LINC00632: variants seen among roughly 807,000 people sequenced by gnomAD.
LINC00632 encodes ALDOA related specific transcript.
chrX:140,768,849 TATAC>T (rs1336330654), intron 3 of LINC00632, among the ~76,000 whole-genome samples: 75 of 103,975 alleles, frequency 7.2e-4, no homozygotes, highest in African/African-American at 2.5e-3. Flanking sequence ...TTTGTACTAA[TATAC>T]ATACACAAAT....
chrX:140,755,606 A>G (rs1931480519), intron 3 of LINC00632, among the ~76,000 whole-genome samples: 1 of 112,421 alleles, frequency 8.9e-6, no homozygotes, highest in African/African-American at 3.2e-5. Flanking sequence ...TGTAGAATGA[A>G]TAGATGAATT....
intron 3 of LINC00632, among the ~76,000 whole-genome samples, chrX:140,771,658 T>G (rs1931797267): frequency 1.6e-5 from 1 of 62,889 alleles, no homozygotes. Context: ...CATATATGTG[T>G]GTGTGTGTAT....
chrX:140,768,607 ATATT>A (rs1318005463), intron 3 of LINC00632, among the ~76,000 whole-genome samples: 2 of 93,004 alleles, frequency 2.2e-5, no homozygotes, highest in African/African-American at 7.7e-5. Flanking sequence ...ATATAAATAT[ATATT>A]TATCACATAA....
chrX:140,785,184 T>TATAATATA (rs1556030719), exon 5 of LINC00632, among the ~76,000 whole-genome samples: 2,395 of 104,751 alleles, frequency 0.023, 71 homozygotes, highest in African/African-American at 0.075. Context: ...ATAATAATAA[T>TATAATATA]ATAATAATAA....
exon 5 of LINC00632, among the ~76,000 whole-genome samples, chrX:140,788,298 T>G (rs1460412179): frequency 1.8e-5 from 2 of 110,230 alleles, no homozygotes; most frequent in Non-Finnish European, 3.8e-5. Context: ...CCATTATTAT[T>G]TAATAATTTT....
At chrX:140,735,209 T>C (rs1420907264) in intron 3 of LINC00632, among the ~76,000 whole-genome samples, 1 of 111,850 alleles carries the variant, frequency 8.9e-6, no homozygotes, top group Non-Finnish European at 1.9e-5. Flanking sequence ...AAAATTTTGT[T>C]CCCATAAATA....
intron 2 of LINC00632, among the ~76,000 whole-genome samples, chrX:140,731,136 G>A (rs981814947): frequency 5.4e-5 from 6 of 111,532 alleles, no homozygotes; most frequent in Non-Finnish European, 1.1e-4. Flanking sequence ...CTCCTGACCT[G>A]GTGATCCACC....
At chrX:140,740,899 G>A (rs1386635539) in intron 3 of LINC00632, among the ~76,000 whole-genome samples, 1 of 112,164 alleles carries the variant, frequency 8.9e-6, no homozygotes, top group African/African-American at 3.2e-5. Flanking sequence ...TTCCTCATGT[G>A]CACTGAATTC....
At chrX:140,757,234 G>C (rs1165589377) in intron 3 of LINC00632, among the ~76,000 whole-genome samples, 1 of 111,199 alleles carries the variant, frequency 9.0e-6, no homozygotes, top group African/African-American at 3.3e-5. Context: ...TATTACAACC[G>C]TGCGCCTTGA....
intron 3 of LINC00632, among the ~76,000 whole-genome samples, chrX:140,755,491 A>G (rs1931478556): frequency 8.9e-6 from 1 of 112,382 alleles, no homozygotes; most frequent in Admixed American, 9.5e-5. Context: ...TAAAATAGGA[A>G]TCATAATATC....
chrX:140,785,143 A>C (rs1318264739), exon 5 of LINC00632, among the ~76,000 whole-genome samples: 7 of 106,981 alleles, frequency 6.5e-5, no homozygotes, highest in African/African-American at 2.4e-4. Flanking sequence ...AATGATATTA[A>C]TTTTTATCAT....
rs910912159 is a variant in LINC00632, at chrX:140,764,473, G to A, written n.192-7605G>A. On this transcript the variant is annotated intron_variant and non_coding_transcript_variant, in intron 3 of 4. Coordinates refer to ENST00000648200, the Ensembl canonical transcript of LINC00632. ...AGCCCTCCCCTCCTTAGGGAGTGGG[G>A]TAAGGGGGCGACCCCGCCCAGTGCA... 2.7e-5 allele frequency: 3 copies of A among 112,080 alleles called. No homozygotes were observed. The Admixed American group carries it at 2.8e-4, about 10-fold the overall frequency. 9.2% of individuals were successfully genotyped at this position (112,080 alleles called of 1,213,427 possible). A position where few individuals can be genotyped will look rare whatever the true frequency, so the allele number is the denominator to read the frequency against.
chrX:140,748,815 CTATGA>C (rs1283288476), intron 3 of LINC00632, among the ~76,000 whole-genome samples: 2 of 102,539 alleles, frequency 2.0e-5, no homozygotes, highest in East Asian at 2.9e-4. Context: ...TATATTTTAT[CTATGA>C]TATATTTTAT....
intron 2 of LINC00632, among the ~76,000 whole-genome samples, chrX:140,731,202 A>C (rs989411523): frequency 2.7e-5 from 3 of 112,152 alleles, no homozygotes; most frequent in African/African-American, 9.7e-5. Context: ...CGCCCAGCCA[A>C]CTTCATTTCT....
intron 2 of LINC00632, among the ~76,000 whole-genome samples, chrX:140,723,425 CACACATTCCATACAT>C (rs1203188870): frequency 0.011 from 92 of 8,637 alleles, no homozygotes; most frequent in Non-Finnish European, 0.015. Context: ...ATTCCATACA[CACACATTCCATACAT>C]ACACACACAT....
At chrX:140,709,866 G>A (rs1930480153) in intron 1 of LINC00632, 3 of 333,887 alleles carry the variant, frequency 9.0e-6, no homozygotes, top group Non-Finnish European at 1.8e-5. Flanking sequence ...TAAAGCAAGC[G>A]ACATGTTTTG....
intron 2 of LINC00632, among the ~76,000 whole-genome samples, chrX:140,723,687 CAT>C (rs1348985890): frequency 1.7e-3 from 1 of 583 alleles, no homozygotes; most frequent in Non-Finnish European, 4.5e-3. Context: ...CATACACACA[CAT>C]AGACACACAT....
At chrX:140,734,737 G>A (rs1171862978) in intron 3 of LINC00632, among the ~76,000 whole-genome samples, 3 of 102,325 alleles carry the variant, frequency 2.9e-5, no homozygotes, top group Non-Finnish European at 5.9e-5. Context: ...AAAATGAAAA[G>A]TAAAATTGGT....
intron 2 of LINC00632, among the ~76,000 whole-genome samples, chrX:140,726,867 T>C (rs1306992810): frequency 9.0e-6 from 1 of 111,663 alleles, no homozygotes; most frequent in Non-Finnish European, 1.9e-5. Flanking sequence ...CAACATCTGC[T>C]CACATTCTCA....
Sources: allele counts gnomAD v4.1 joint callset (sites outside exome capture counted in the v4.1 genomes callset), GRCh38; gene constraint gnomAD v4.1.1; transcripts MANE v1.5; gene names NCBI Gene and HGNC (gene_info 2026-07-23, HGNC 2026-07-21).